SPTBN4: variants seen among roughly 807,000 people sequenced by gnomAD.
SPTBN4 encodes the protein spectrin beta chain, non-erythrocytic 4.
In SPTBN4, 96 loss-of-function variants were observed where a neutral mutation model predicts 277.8. The ratio of observed to expected loss-of-function variants is 0.35; its 90% CI spans 0.29 to 0.41. The LOEUF (loss-of-function observed/expected upper bound fraction) is 0.41, where lower values mean the gene tolerates loss of function less well. Among genes scored for constraint, SPTBN4 ranks in the 10% least tolerant of loss-of-function variants. The pLI, the probability that SPTBN4 is intolerant of heterozygous loss-of-function variation, is 1.00. For synonymous variants in SPTBN4, 1,481 were observed against 1,580.3 expected, an observed-to-expected ratio of 0.94 and a Z score of 1.49; for missense variants, 3,006 against 3,595.7, an observed-to-expected ratio of 0.84 and a Z score of 4.19.
At chr19:40,525,239 T>C (rs573233828) in intron 17 of SPTBN4, among the ~76,000 whole-genome samples, 2 of 152,186 alleles carry the variant, frequency 1.3e-5, no homozygotes, top group Admixed American at 1.3e-4. Context: ...GAAACTTTTA[T>C]GGGAATTCTG....
Position 40,575,678 on chromosome 19 carries a change from GGACGCGT to G in SPTBN4, c.*113_*119del. The stretch of plus-strand genomic sequence containing the variant: ...CGGGAGCCCCTAGTTCCAACACTGA[GGACGCGT>G]GACATGGTGGGCACCGGAAAGGAGG... On this transcript the variant is annotated 3_prime_UTR_variant, in exon 36 of 36. Transcript: ENST00000598249. 1 of 1,353,654 alleles carries G rather than the reference GGACGCGT, an allele frequency of 7.4e-7. No individual in the cohort carries two copies. Among genetic ancestry groups the G allele is most frequent in the South Asian group, 1.5e-5 (1 of 66,390 alleles). 83.9% of individuals were successfully genotyped at this position (1,353,654 alleles called of 1,614,324 possible). A position where few individuals can be genotyped will look rare whatever the true frequency, so the allele number is the denominator to read the frequency against.
At position 40,534,113 on chromosome 19, in the gene SPTBN4, C is replaced by T; in HGVS notation, c.4129C>T (p.Leu1377=). ...GQQLMQEKPE[L]AASVRKKLGE... Reference sequence around the variant, plus strand: ...GCAACTGATGCAGGAGAAGCCCGAACTGGCGGCCTCCGTGCGGAAGAAGCT... The same window carrying T: ...GCAACTGATGCAGGAGAAGCCCGAATTGGCGGCCTCCGTGCGGAAGAAGCT... The change falls in exon 20 of 36, where the codon CTG becomes TTG. Residue 1377 remains leucine (L), a synonymous_variant. Transcript: ENST00000598249. 6.2e-7 allele frequency: 1 copy of T among 1,607,998 alleles called. No homozygotes were observed. The highest frequency in any genetic ancestry group is 1.1e-5 in the South Asian group (1 of 90,718).
intron 19 of SPTBN4, among the ~76,000 whole-genome samples, 165 bp downstream of exon 19, chr19:40,532,936 C>T (rs184749051): frequency 6.6e-6 from 1 of 152,294 alleles, no homozygotes; most frequent in Admixed American, 6.5e-5. Flanking sequence ...TTGAGTGATT[C>T]ATGTAACATC....
intron 17 of SPTBN4, among the ~76,000 whole-genome samples, chr19:40,526,464 G>A (rs1228750474): frequency 2.6e-5 from 4 of 152,004 alleles, no homozygotes; most frequent in East Asian, 1.9e-4. Flanking sequence ...GAGCCACCGC[G>A]CCGGCCGCTA....
chr19:40,542,659 C>T (rs1355085468), intron 20 of SPTBN4, among the ~76,000 whole-genome samples: 2 of 152,012 alleles, frequency 1.3e-5, no homozygotes, highest in Non-Finnish European at 2.9e-5. Context: ...CTCCTCCCCC[C>T]TGTTCTGCTT....
At chr19:40,507,130 A>T (rs2145855972) in intron 13 of SPTBN4, among the ~76,000 whole-genome samples, 1 of 152,240 alleles carries the variant, frequency 6.6e-6, no homozygotes, top group African/African-American at 2.4e-5. Flanking sequence ...CCTAGTCAAC[A>T]TGGCGAAACC....
At chr19:40,485,978 T>TAAA (rs35587768) in intron 2 of SPTBN4, among the ~76,000 whole-genome samples, 4,392 of 129,284 alleles carry the variant, frequency 0.034, 190 homozygotes, top group African/African-American at 0.11. Context: ...AGGATGGCCA[T>TAAA]AAAAAAAAAA....
At chr19:40,542,682 T>C (rs8102847) in intron 20 of SPTBN4, among the ~76,000 whole-genome samples, 1 of 151,286 alleles carries the variant, frequency 6.6e-6, no homozygotes, top group Non-Finnish European at 1.5e-5. Flanking sequence ...CTGTCCCATG[T>C]TTTTGTATCC....
At chr19:40,471,505 C>G (rs1055855715) in intron 1 of SPTBN4, among the ~76,000 whole-genome samples, 127 of 152,292 alleles carry the variant, frequency 8.3e-4, no homozygotes, top group Admixed American at 2.2e-3. Context: ...ATTTGCTGAG[C>G]CCTTAATATG....
intron 6 of SPTBN4, 101 bp downstream of exon 6, chr19:40,495,078 A>C (rs1792219017): frequency 9.3e-7 from 1 of 1,074,600 alleles, no homozygotes. Flanking sequence ...ACACACAGAC[A>C]TAAAGACCCA....
At chr19:40,481,225 CTGT>C (rs1398969001) in intron 2 of SPTBN4, among the ~76,000 whole-genome samples, 5 of 152,200 alleles carry the variant, frequency 3.3e-5, no homozygotes, top group Middle Eastern at 3.4e-3. Context: ...ATATATGTAT[CTGT>C]TGTTGTTAAT....
chr19:40,530,680 C>A, intron 18 of SPTBN4: 1 of 655,428 alleles, frequency 1.5e-6, no homozygotes. Flanking sequence ...CCCGTCGTGG[C>A]CGCGGGAGGG....
chr19:40,562,404 C>T (rs1375940983), intron 27 of SPTBN4, among the ~76,000 whole-genome samples: 1 of 151,944 alleles, frequency 6.6e-6, no homozygotes, highest in Non-Finnish European at 1.5e-5. Flanking sequence ...GTGGCATGTG[C>T]CTGTAGTCCC....
intron 2 of SPTBN4, 111 bp from the exon 3 acceptor site, chr19:40,487,586 C>G: frequency 7.3e-7 from 1 of 1,362,532 alleles, no homozygotes; most frequent in Non-Finnish European, 9.7e-7. Context: ...CTCAGGTGAT[C>G]CGCCTGTGAG....
chr19:40,496,798 C>A (rs917035799), intron 6 of SPTBN4, among the ~76,000 whole-genome samples: 1 of 152,026 alleles, frequency 6.6e-6, no homozygotes, highest in African/African-American at 2.4e-5. Context: ...CCTGGCCAGA[C>A]GCAGTGGCTC....
chr19:40,473,135 C>T (rs1243631392), intron 2 of SPTBN4, among the ~76,000 whole-genome samples: 1 of 152,066 alleles, frequency 6.6e-6, no homozygotes, highest in Non-Finnish European at 1.5e-5. Flanking sequence ...CAATCTCCAC[C>T]TCACCGGCTC....
At chr19:40,535,265 C>A (rs899679086) in intron 20 of SPTBN4, among the ~76,000 whole-genome samples, 1 of 152,048 alleles carries the variant, frequency 6.6e-6, no homozygotes, top group African/African-American at 2.4e-5. Flanking sequence ...ACCATATTGC[C>A]TAGGGTAGTC....
rs751258122 is a variant in SPTBN4 at position 40,565,684 on chromosome 19, G to A, written c.6078G>A (p.Leu2026=). 3.9e-6 allele frequency: 6 copies of A among 1,555,542 alleles called. No homozygotes were observed. In the Admixed American group the frequency reaches 5.8e-5, roughly 15 times the overall value. ...ADEIQAQLDK[L]GTRKEEVSEK... is the part of the protein sequence containing the mutation. ...AGATCCAGGCACAGCTGGACAAGCT[G>A]GGAACCAGGAAGGAGGAGGTGTCGG... The change falls in exon 29 of 36, where the codon CTG becomes CTA. Residue 2026 remains leucine, a synonymous_variant. Coordinates refer to ENST00000598249, the MANE Select transcript of SPTBN4 (RefSeq NM_020971.3).
intron 20 of SPTBN4, among the ~76,000 whole-genome samples, chr19:40,543,335 G>A (rs908038605): frequency 2.6e-5 from 4 of 152,016 alleles, no homozygotes; most frequent in Admixed American, 6.6e-5. Context: ...CTAAGGTTAC[G>A]TGCTCATATC....
Sources: allele counts gnomAD v4.1 joint callset (sites outside exome capture counted in the v4.1 genomes callset), GRCh38; gene constraint gnomAD v4.1.1; transcripts MANE v1.5; gene names NCBI Gene and HGNC (gene_info 2026-07-23, HGNC 2026-07-21).